PHTF1: variants seen among roughly 807,000 people sequenced by gnomAD.
PHTF1 encodes protein PHTF1.
A neutral mutation model predicts 102.4 loss-of-function variants in PHTF1; 88 were observed. The ratio of observed to expected loss-of-function variants is 0.86; its 90% confidence interval spans 0.72 to 1.03. PHTF1 has a LOEUF of 1.03. PHTF1 is among the 50% of genes least tolerant of loss of function. The pLI, the probability that PHTF1 is intolerant of heterozygous loss-of-function variation, is 0.00. For missense variants in PHTF1, 814 were observed against 909.5 expected, an observed-to-expected ratio of 0.89 and a Z score of 1.35; for synonymous variants, 289 against 305.2, an observed-to-expected ratio of 0.95 and a Z score of 0.55.
At chr1:113,743,967 A>G (rs1305288695) in intron 3 of PHTF1, among the ~76,000 whole-genome samples, 1 of 152,204 alleles carries the variant, frequency 6.6e-6, no homozygotes, top group Non-Finnish European at 1.5e-5. Context: ...GCCTTTCGCT[A>G]TATGACACAA....
chr1:113,723,092 G>A (rs1653244969), intron 7 of PHTF1, among the ~76,000 whole-genome samples: 1 of 151,814 alleles, frequency 6.6e-6, no homozygotes, highest in African/African-American at 2.4e-5. Flanking sequence ...GTAACCAAAG[G>A]AGCATGGTAG....
intron 2 of PHTF1, 84 bp downstream of exon 2, chr1:113,758,575 G>A: frequency 6.9e-6 from 5 of 725,188 alleles, no homozygotes; most frequent in East Asian, 3.2e-5. Context: ...TACTAAACTC[G>A]GGGGAAAGTA....
In PHTF1 at chr1:113,738,614, A is replaced by G. The variant is rs140967738; in HGVS notation, c.172+116T>C. The G allele has an allele frequency of 5.5e-4, 374 of 686,126 alleles. 1 individual carries two copies. The African/African-American group carries it at 6.0e-3, about 11-fold the overall frequency. The allele number at this position is 686,126 out of a possible 1,614,324, so 42.5% of individuals were successfully genotyped here. On this transcript the variant is annotated intron_variant, in intron 4 of 18. Transcript: ENST00000369604. ...AAAGTGCTAAAGCCTGAATGATGAG[A>G]GTAAAGTGTTACATTTAGAAATTAA...
At chr1:113,739,542 A>G (rs1553232888) in intron 3 of PHTF1, among the ~76,000 whole-genome samples, 5 of 152,212 alleles carry the variant, frequency 3.3e-5, no homozygotes, top group Non-Finnish European at 7.3e-5. Flanking sequence ...TGATCAAACT[A>G]TATCTATCAC....
chr1:113,710,277 GGTCAC>G lies in PHTF1; in HGVS notation c.1241_1245del (p.Arg414ProfsTer22), dbSNP rs1164432119. On this transcript the variant is annotated frameshift_variant, in exon 11 of 19. Transcript: ENST00000369604. LOFTEE classifies it high-confidence loss of function. The stretch of plus-strand genomic sequence containing the variant: ...ACCTGCTGAAAAACATCCTCTTTGG[GGTCAC>G]GTTTGGTCCCTGAGTGAAGGGTATT... 1.2e-6 allele frequency: 2 copies of G among 1,612,994 alleles called. No individual in the cohort carries two copies. The highest frequency in any genetic ancestry group is 2.7e-5 in the African/African-American group (2 of 74,868).
At chr1:113,697,788 C>T in intron 18 of PHTF1, 63 bp from the exon 19 acceptor site, 1 of 1,090,670 alleles carries the variant, frequency 9.2e-7, no homozygotes, top group Non-Finnish European at 1.4e-6. Flanking sequence ...TTTATAGGTA[C>T]ACTTACATGA....
intron 11 of PHTF1, among the ~76,000 whole-genome samples, chr1:113,709,603 A>G (rs984806911): frequency 1.3e-5 from 2 of 152,232 alleles, no homozygotes; most frequent in Non-Finnish European, 2.9e-5. Flanking sequence ...TGATCATCTG[A>G]TGGAGATATA....
At position 113,706,056 on chromosome 1, in the gene PHTF1, A is replaced by G. The variant is rs1375862454; in HGVS notation, c.1505T>C (p.Leu502Pro). The change falls in exon 13 of 19, where the codon CTT becomes CCT. Residue 502 changes from leucine to proline, a missense_variant. Transcript: ENST00000369604. Reference sequence around the variant, plus strand: ...AGCTGAAATGGACTTTAGTTGGTCAAGGCTCTTCTCACGGAAAAGTCGATG... The same window carrying G: ...AGCTGAAATGGACTTTAGTTGGTCAGGGCTCTTCTCACGGAAAAGTCGATG... The part of the protein sequence containing the change: ...FLHRLFREKS[L>P]DQLKSISAEE... 4 of 1,614,044 alleles carry G rather than the reference A, an allele frequency of 2.5e-6. No homozygotes were observed. The South Asian group carries it at 4.4e-5, about 18-fold the overall frequency.
chr1:113,704,584 A>G, intron 14 of PHTF1, 82 bp downstream of exon 14: 1 of 994,458 alleles, frequency 1.0e-6, no homozygotes, highest in East Asian at 2.5e-5. Context: ...CCAGAACTAC[A>G]CTGTCTACTG....
chr1:113,749,977 A>G lies in PHTF1; in HGVS notation c.102+7722T>C, dbSNP rs534932008. On this transcript the variant is annotated intron_variant, in intron 3 of 18. Coordinates refer to ENST00000369604, the MANE Select transcript of PHTF1 (RefSeq NM_001323043.2). ...GATTAGTGCATGTATTTGAACTACC[A>G]TTTTTTGGGTTTTGTTTTGTTTTTG... is the stretch of plus-strand genomic sequence containing the variant. 3.3e-5 allele frequency among the ~76,000 whole-genome samples: 5 copies of G among 151,048 alleles called. No individual in the cohort carries two copies. In the South Asian group the frequency reaches 1.0e-3, roughly 32 times the overall value.
intron 7 of PHTF1, chr1:113,713,792 G>T (rs1651542558): frequency 5.1e-6 from 1 of 196,294 alleles, no homozygotes; most frequent in Admixed American, 6.0e-5. Context: ...GTAGACTTAG[G>T]TGCACATGAC....
Position 113,696,964 on chromosome 1 carries a change from A to G in PHTF1, c.*741T>C, listed in dbSNP as rs1175187320. The G allele has an allele frequency of 6.6e-6, 1 of 152,258 alleles. No individual in the cohort carries two copies. The allele number at this position is 152,258 out of a possible 1,614,324, so 9.4% of individuals were successfully genotyped here. On this transcript the variant is annotated 3_prime_UTR_variant, in exon 19 of 19. Coordinates refer to ENST00000369604, the MANE Select transcript of PHTF1 (RefSeq NM_001323043.2). ...TGATCTATATGGAAACAATGCTTCC[A>G]TGGCTTCCACATAGAACGTGGAAAC...
In PHTF1 at chr1:113,726,455, T is replaced by C. The variant is rs143415786; in HGVS notation, c.451A>G (p.Thr151Ala). 288 of 1,610,958 alleles carry C rather than the reference T, an allele frequency of 1.8e-4. No homozygotes were observed. The highest frequency in any genetic ancestry group is 1.1e-4 in the Non-Finnish European group (128 of 1,178,690). ...TTTCCATTGTTTCCTGATGGTCTTG[T>C]TATCTGAGTAGACACAATTTGACAG... ...VHCQIVSTQI[T>A]RPSGNNGNRR... The change falls in exon 6 of 19, where the codon ACA (threonine) becomes GCA (alanine). Residue 151 changes from threonine (T) to alanine (A), a missense_variant. Coordinates refer to ENST00000369604, the MANE Select transcript of PHTF1 (RefSeq NM_001323043.2).
intron 14 of PHTF1, 126 bp from the exon 15 acceptor site, chr1:113,704,293 A>G: frequency 3.6e-6 from 2 of 559,602 alleles, no homozygotes; most frequent in Non-Finnish European, 6.3e-6. Context: ...TTTCTGAGAT[A>G]GGATTTTAAC....
At chr1:113,758,890 T>C (rs1360982743) in intron 1 of PHTF1, 133 bp downstream of exon 1, 41 of 1,190,946 alleles carry the variant, frequency 3.4e-5, no homozygotes, top group Non-Finnish European at 4.2e-5. Context: ...AAAAAAAAAC[T>C]GGCGCAGCGG....
chr1:113,738,107 T>C lies in PHTF1; in HGVS notation c.331+3A>G. 6.3e-7 allele frequency: 1 copy of C among 1,597,062 alleles called. No homozygotes were observed. The highest frequency in any genetic ancestry group is 2.2e-5 in the East Asian group (1 of 44,802). On this transcript the variant is annotated splice_donor_region_variant and intron_variant, in intron 5 of 18. Coordinates refer to ENST00000369604, the MANE Select transcript of PHTF1 (RefSeq NM_001323043.2). The stretch of plus-strand genomic sequence containing the variant: ...CATTGCTTATTCCAATTTCTCCAAT[T>C]ACCTTGCATGAAATAAAGTAGTAAC...
intron 5 of PHTF1, among the ~76,000 whole-genome samples, 192 bp downstream of exon 5, chr1:113,737,918 A>G (rs1655761959): frequency 6.6e-6 from 1 of 152,256 alleles, no homozygotes; most frequent in Non-Finnish European, 1.5e-5. Context: ...GAGGAGAAAG[A>G]GTTACACAAG....
intron 4 of PHTF1, 23 bp downstream of exon 4, chr1:113,738,707 T>TA: frequency 1.4e-6 from 2 of 1,447,986 alleles, no homozygotes; most frequent in African/African-American, 1.4e-5. Flanking sequence ...ATAATGTACA[T>TA]AAAAAACAAT....
intron 3 of PHTF1, among the ~76,000 whole-genome samples, chr1:113,745,409 C>G (rs2101652077): frequency 6.6e-6 from 1 of 152,204 alleles, no homozygotes; most frequent in African/African-American, 2.4e-5. Flanking sequence ...AGTTAAAAAA[C>G]CTACCCCAGT....
Sources: allele counts gnomAD v4.1 joint callset (sites outside exome capture counted in the v4.1 genomes callset), GRCh38; gene constraint gnomAD v4.1.1; transcripts MANE v1.5; gene names NCBI Gene and HGNC (gene_info 2026-07-23, HGNC 2026-07-21).